ZNRF3: variants seen among roughly 807,000 people sequenced by gnomAD.
ZNRF3 encodes zinc and ring finger 3.
A neutral mutation model predicts 72.5 loss-of-function variants in ZNRF3; 23 were observed. That is an observed-to-expected ratio of 0.32 (90% confidence interval 0.23 to 0.45). The LOEUF (loss-of-function observed/expected upper bound fraction) is 0.45, where lower values mean the gene tolerates loss of function less well. Among genes scored for constraint, ZNRF3 ranks in the 20% least tolerant of loss-of-function variants. ZNRF3 has a pLI of 1.00. For missense variants in ZNRF3, 1,169 were observed against 1,272.1 expected (o/e 0.92, Z 1.23); for synonymous variants, 610 against 545.3 (o/e 1.12, Z -1.65).
intron 1 of ZNRF3, among the ~76,000 whole-genome samples, chr22:28,900,693 A>G (rs2034085465): frequency 6.6e-6 from 1 of 152,208 alleles, no homozygotes; most frequent in South Asian, 2.1e-4. Flanking sequence ...CCCTTTGAAA[A>G]GAAACTTACT....
intron 1 of ZNRF3, among the ~76,000 whole-genome samples, chr22:28,889,654 A>C (rs1279694357): frequency 1.3e-5 from 2 of 152,210 alleles, no homozygotes; most frequent in Non-Finnish European, 2.9e-5. Flanking sequence ...TTAGGCCCTG[A>C]GGCATCCATT....
At chr22:28,925,400 T>C (rs2034582663) in intron 1 of ZNRF3, among the ~76,000 whole-genome samples, 1 of 152,232 alleles carries the variant, frequency 6.6e-6, no homozygotes, top group Non-Finnish European at 1.5e-5. Context: ...GGTGTCATTC[T>C]AAGCTGTTTA....
At chr22:29,036,335 G>A (rs2036867794) in intron 2 of ZNRF3, among the ~76,000 whole-genome samples, 1 of 152,172 alleles carries the variant, frequency 6.6e-6, no homozygotes, top group South Asian at 2.1e-4. Flanking sequence ...CTAAGGAGAA[G>A]CACCATTAGT....
chr22:28,964,783 G>T (rs1199017376), intron 1 of ZNRF3, among the ~76,000 whole-genome samples: 1 of 152,260 alleles, frequency 6.6e-6, no homozygotes, highest in African/African-American at 2.4e-5. Context: ...GCATCCCGCA[G>T]CTCACGCTGC....
At chr22:28,923,630 G>A (rs999515157) in intron 1 of ZNRF3, among the ~76,000 whole-genome samples, 2 of 151,958 alleles carry the variant, frequency 1.3e-5, no homozygotes, top group Admixed American at 6.5e-5. Flanking sequence ...ACCTGGCCCC[G>A]CTTGTTTCAC....
intron 1 of ZNRF3, among the ~76,000 whole-genome samples, chr22:28,901,815 T>TAAGG (rs1406438416): frequency 6.6e-6 from 1 of 151,812 alleles, no homozygotes; most frequent in Non-Finnish European, 1.5e-5. Flanking sequence ...TAATTTTTTG[T>TAAGG]ATTTTTAGTA....
chr22:29,045,842 T>C (rs553970678), intron 5 of ZNRF3, among the ~76,000 whole-genome samples: 4 of 152,376 alleles, frequency 2.6e-5, no homozygotes, highest in African/African-American at 9.6e-5. Context: ...GAATATGTGC[T>C]GTAGCAGTCT....
chr22:29,034,359 A>G (rs755128271), intron 2 of ZNRF3, among the ~76,000 whole-genome samples: 4 of 152,162 alleles, frequency 2.6e-5, no homozygotes, highest in Non-Finnish European at 5.9e-5. Context: ...ATCAAAATGT[A>G]GGTCTTCTGT....
At chr22:29,044,655 CTGCAAAT>C (rs2037027783) in intron 4 of ZNRF3, 118 bp from the exon 5 acceptor site, 1 of 699,012 alleles carries the variant, frequency 1.4e-6, no homozygotes, top group African/African-American at 1.7e-5. Flanking sequence ...CAGGAGTTTC[CTGCAAAT>C]TGAGGGGAAA....
chr22:29,019,131 A>G (rs1195364292), intron 2 of ZNRF3, among the ~76,000 whole-genome samples: 1 of 152,060 alleles, frequency 6.6e-6, no homozygotes, highest in African/African-American at 2.4e-5. Context: ...GAGGGCAAGC[A>G]TGAACACCCA....
At chr22:28,991,439 C>T (rs193238704) in intron 2 of ZNRF3, among the ~76,000 whole-genome samples, 3 of 152,036 alleles carry the variant, frequency 2.0e-5, no homozygotes, top group Admixed American at 2.0e-4. Context: ...GGCTGACTGA[C>T]CTCAGAAAGG....
intron 1 of ZNRF3, among the ~76,000 whole-genome samples, chr22:28,917,129 G>A (rs978273222): frequency 3.9e-5 from 6 of 152,196 alleles, no homozygotes; most frequent in Middle Eastern, 3.4e-3. Flanking sequence ...TAGAAGCGTC[G>A]GCCAGGTGGC....
intron 2 of ZNRF3, among the ~76,000 whole-genome samples, chr22:28,990,113 G>A (rs1034808632): frequency 2.6e-5 from 4 of 152,198 alleles, no homozygotes; most frequent in South Asian, 2.1e-4. Flanking sequence ...GGAGCAGCAG[G>A]CCAGGGCGCC....
chr22:29,038,917 A>G (rs978876143), intron 2 of ZNRF3, among the ~76,000 whole-genome samples: 1 of 152,018 alleles, frequency 6.6e-6, no homozygotes, highest in South Asian at 2.1e-4. Context: ...GCCTGGTTGT[A>G]TTGGAAGTCA....
At chr22:28,900,135 T>C (rs879726007) in intron 1 of ZNRF3, among the ~76,000 whole-genome samples, 6 of 152,066 alleles carry the variant, frequency 3.9e-5, no homozygotes, top group Admixed American at 1.3e-4. Context: ...TGATGACTGA[T>C]TGGGGGAGGG....
intron 1 of ZNRF3, among the ~76,000 whole-genome samples, chr22:28,953,207 A>G: frequency 6.6e-6 from 1 of 152,194 alleles, no homozygotes; most frequent in South Asian, 2.1e-4. Context: ...TGGTAGGTGA[A>G]GGTTCCTGTT....
At chr22:29,012,484 AT>A (rs1221364760) in intron 2 of ZNRF3, among the ~76,000 whole-genome samples, 2 of 152,142 alleles carry the variant, frequency 1.3e-5, no homozygotes, top group African/African-American at 2.4e-5. Flanking sequence ...GCTCAATTTC[AT>A]TTCTCTTTGG....
chr22:29,024,687 G>C (rs2036596052), intron 2 of ZNRF3, among the ~76,000 whole-genome samples: 1 of 152,086 alleles, frequency 6.6e-6, no homozygotes, highest in Non-Finnish European at 1.5e-5. Flanking sequence ...CATGGTATAT[G>C]CTCAATAAGT....
chr22:29,021,767 C>T (rs981184813), intron 2 of ZNRF3, among the ~76,000 whole-genome samples: 1 of 152,086 alleles, frequency 6.6e-6, no homozygotes, highest in African/African-American at 2.4e-5. Context: ...GGATTACAGG[C>T]GTAAGCCACC....
Sources: gnomAD v4.1 joint callset for allele counts (sites outside exome capture counted in the v4.1 genomes callset) on GRCh38, gnomAD v4.1.1 for gene constraint, MANE v1.5 for transcripts, NCBI Gene and HGNC (gene_info 2026-07-23, HGNC 2026-07-21) for gene names.